SAMMSON: variants seen among roughly 807,000 people sequenced by gnomAD.
SAMMSON encodes the protein survival associated mitochondrial melanoma specific oncogenic non-coding RNA.
intron 4 of SAMMSON, among the ~76,000 whole-genome samples, chr3:70,163,437 A>T (rs1020352408): frequency 6.6e-6 from 1 of 151,550 alleles, no homozygotes; most frequent in African/African-American, 2.4e-5. Context: ...TCTAGTTTAG[A>T]TTAATATTAG....
At chr3:70,109,263 G>A (rs1044121922) in intron 4 of SAMMSON, among the ~76,000 whole-genome samples, 1 of 151,964 alleles carries the variant, frequency 6.6e-6, no homozygotes, top group Admixed American at 6.6e-5. Context: ...AACTTGTCCC[G>A]GTAATTGATT....
In SAMMSON at chr3:70,167,457, C is replaced by T. The variant is rs185713080; in HGVS notation, n.508-81650C>T. Among the ~76,000 whole-genome samples the T allele has an allele frequency of 1.6e-3, 237 of 151,962 alleles. 3 individuals carry two copies. Among genetic ancestry groups the T allele is most frequent in the African/African-American group, 5.4e-3 (226 of 41,488 alleles). ...GCTTCAGATGCAGCATTTCTCTAAA[C>T]GTAACATAATATATATTTTCACAGC... is the stretch of plus-strand genomic sequence containing the variant. On this transcript the variant is annotated intron_variant and non_coding_transcript_variant, in intron 4 of 9. Coordinates refer to ENST00000642114, the Ensembl canonical transcript of SAMMSON.
At chr3:70,286,574 A>G (rs1702166012) in intron 6 of SAMMSON, among the ~76,000 whole-genome samples, 1 of 151,828 alleles carries the variant, frequency 6.6e-6, no homozygotes, top group Non-Finnish European at 1.5e-5. Context: ...ACTTTAAAGT[A>G]GTTTTTTCCA....
chr3:70,094,518 A>G (rs541534579), intron 4 of SAMMSON: 2 of 152,240 alleles, frequency 1.3e-5, no homozygotes, highest in African/African-American at 4.8e-5. Context: ...CCTCTCCCCA[A>G]TGTCTCAGTC....
At chr3:70,220,293 C>T (rs1380092602) in intron 4 of SAMMSON, among the ~76,000 whole-genome samples, 2 of 152,018 alleles carry the variant, frequency 1.3e-5, no homozygotes, top group Admixed American at 6.6e-5. Flanking sequence ...AGGCTAGGCT[C>T]AGTGTCTCAT....
At chr3:70,032,581 C>T (rs949347345) in intron 3 of SAMMSON, among the ~76,000 whole-genome samples, 1 of 152,180 alleles carries the variant, frequency 6.6e-6, no homozygotes, top group African/African-American at 2.4e-5. Context: ...GGCTGCAGAT[C>T]TTACGCTTTC....
chr3:70,022,301 A>T (rs1345821755), intron 3 of SAMMSON, among the ~76,000 whole-genome samples: 1 of 151,116 alleles, frequency 6.6e-6, no homozygotes, highest in African/African-American at 2.4e-5. Context: ...GAGGGATAGC[A>T]TTAGGAGATA....
intron 4 of SAMMSON, among the ~76,000 whole-genome samples, chr3:70,221,225 C>T (rs1201223180): frequency 2.0e-5 from 3 of 152,020 alleles, no homozygotes; most frequent in Non-Finnish European, 2.9e-5. Context: ...TTCATTAGTG[C>T]CTGCTATAAT....
intron 2 of SAMMSON, among the ~76,000 whole-genome samples, chr3:70,428,447 A>G (rs1701389186): frequency 6.6e-6 from 1 of 152,202 alleles, no homozygotes; most frequent in Non-Finnish European, 1.5e-5. Context: ...TAAATTACTG[A>G]TTTCTGATAA....
intron 4 of SAMMSON, among the ~76,000 whole-genome samples, chr3:70,232,077 G>A (rs193193813): frequency 6.6e-6 from 1 of 152,100 alleles, no homozygotes; most frequent in Non-Finnish European, 1.5e-5. Flanking sequence ...TAATGAACTG[G>A]GAGATGTGCT....
intron 7 of SAMMSON, among the ~76,000 whole-genome samples, chr3:70,344,521 T>C (rs1702735213): frequency 6.6e-6 from 1 of 152,188 alleles, no homozygotes; most frequent in South Asian, 2.1e-4. Context: ...ACCTGATTCT[T>C]CCTGGACACC....
At chr3:70,335,848 T>C (rs1318806374) in intron 7 of SAMMSON, among the ~76,000 whole-genome samples, 4 of 152,034 alleles carry the variant, frequency 2.6e-5, no homozygotes, top group Admixed American at 2.6e-4. Flanking sequence ...TGAAATATGA[T>C]ATTAATCTCA....
chr3:70,246,212 T>A (rs1701707309), intron 4 of SAMMSON, among the ~76,000 whole-genome samples: 2 of 152,064 alleles, frequency 1.3e-5, no homozygotes, highest in South Asian at 4.1e-4. Context: ...TCACCATTTT[T>A]AATTTTTGAT....
chr3:70,398,088 T>G (rs961737869), intron 2 of SAMMSON, among the ~76,000 whole-genome samples: 1 of 152,156 alleles, frequency 6.6e-6, no homozygotes, highest in African/African-American at 2.4e-5. Context: ...TGGAAGCAAA[T>G]CTATAGTATG....
chr3:70,417,977 A>G (rs1701279428), intron 2 of SAMMSON, among the ~76,000 whole-genome samples: 1 of 152,190 alleles, frequency 6.6e-6, no homozygotes, highest in Admixed American at 6.5e-5. Flanking sequence ...GAGGGAAGAG[A>G]CACTGTGGGA....
chr3:70,158,985 T>A (rs949500281), intron 4 of SAMMSON, among the ~76,000 whole-genome samples: 2 of 152,086 alleles, frequency 1.3e-5, no homozygotes, highest in African/African-American at 4.8e-5. Flanking sequence ...ACTCAGACTT[T>A]TCATGACATG....
intron 4 of SAMMSON, among the ~76,000 whole-genome samples, chr3:70,122,408 C>T (rs2106667826): frequency 6.6e-6 from 1 of 152,128 alleles, no homozygotes; most frequent in Admixed American, 6.5e-5. Context: ...GGGGTTTTAC[C>T]ATGTTGCCCA....
At chr3:70,090,131 G>GCTTT (rs2067300100) in intron 4 of SAMMSON, among the ~76,000 whole-genome samples, 1 of 152,110 alleles carries the variant, frequency 6.6e-6, no homozygotes, top group African/African-American at 2.4e-5. Flanking sequence ...GGATAGGGCT[G>GCTTT]CTTTCTTTCT....
chr3:70,118,841 C>T (rs1351770748), intron 4 of SAMMSON, among the ~76,000 whole-genome samples: 2 of 152,262 alleles, frequency 1.3e-5, no homozygotes, highest in African/African-American at 4.8e-5. Context: ...ACATACTACT[C>T]TTAAGTGATA....
Sources: gnomAD v4.1 joint callset for allele counts (sites outside exome capture counted in the v4.1 genomes callset) on GRCh38, gnomAD v4.1.1 for gene constraint, MANE v1.5 for transcripts, NCBI Gene and HGNC (gene_info 2026-07-23, HGNC 2026-07-21) for gene names.